The following KIF1A variants were observed in gnomAD, a reference collection of about 807,000 sequenced individuals.
The protein encoded by KIF1A is kinesin-like protein KIF1A.
Under a neutral mutation model 227.3 loss-of-function variants are expected in KIF1A, and 46 were observed. The ratio of observed to expected loss-of-function variants is 0.20; its 90% CI spans 0.16 to 0.26. The LOEUF (loss-of-function observed/expected upper bound fraction) is 0.26, where lower values mean the gene tolerates loss of function less well. Ranked by LOEUF, KIF1A falls within the 10% of genes least tolerant of loss-of-function variation. The pLI is 1.00. For synonymous variants in KIF1A, 1,022 were observed against 1,012.8 expected, an observed-to-expected ratio of 1.01 and a Z score of -0.17; for missense variants, 1,683 against 2,485.9, an observed-to-expected ratio of 0.68 and a Z score of 6.87.
intron 37 of KIF1A, among the ~76,000 whole-genome samples, chr2:240,737,921 G>C (rs1223712246): frequency 1.3e-5 from 2 of 152,240 alleles, no homozygotes; most frequent in East Asian, 3.9e-4. Flanking sequence ...GACACGCTAG[G>C]ATTTTGTGTT....
At position 240,793,454 on chromosome 2, in the gene KIF1A, C is replaced by G. The variant is rs1259930950; in HGVS notation, c.107-4142G>C. On this transcript the variant is annotated intron_variant, in intron 2 of 48. Coordinates refer to ENST00000498729, the MANE Select transcript of KIF1A (RefSeq NM_001244008.2). This position sits in a 1 kb window ranked among gnomAD's most constrained non-coding sequence, Gnocchi z 4.8. The stretch of plus-strand genomic sequence containing the variant: ...AACTCACTTCAGGGGCCGCACATGG[C>G]TGAGGGTCCGCGTCCCCAGCCAGCC... Among the ~76,000 whole-genome samples, 4 of 152,216 alleles carry G rather than the reference C, an allele frequency of 2.6e-5. No homozygotes were observed. Among genetic ancestry groups the G allele is most frequent in the Admixed American group, 1.3e-4 (2 of 15,282 alleles).
chr2:240,729,664 T>A (rs1443957625), intron 38 of KIF1A, among the ~76,000 whole-genome samples: 1 of 152,228 alleles, frequency 6.6e-6, no homozygotes, highest in Non-Finnish European at 1.5e-5. Context: ...AACAGCCCCC[T>A]TGGGGGTCCT....
At chr2:240,819,891 G>A (rs2058607799) in intron 1 of KIF1A, among the ~76,000 whole-genome samples, 1 of 152,216 alleles carries the variant, frequency 6.6e-6, no homozygotes, top group Non-Finnish European at 1.5e-5. Flanking sequence ...AGCGGCACCT[G>A]AAGGGCGGAC....
chr2:240,719,710 T>C, intron 46 of KIF1A, 64 bp downstream of exon 46: 1 of 1,440,058 alleles, frequency 6.9e-7, no homozygotes, highest in Non-Finnish European at 9.2e-7. Flanking sequence ...GGGAGCAGGG[T>C]GGCCTGCCTG....
chr2:240,735,176 G>A (rs566578877), intron 38 of KIF1A, among the ~76,000 whole-genome samples: 3 of 152,288 alleles, frequency 2.0e-5, no homozygotes, highest in African/African-American at 4.8e-5. Context: ...GGAGCCAAGC[G>A]AGGGCCAAAG....
chr2:240,782,421 G>T (rs902612861), intron 10 of KIF1A, among the ~76,000 whole-genome samples, 169 bp downstream of exon 10: 5 of 152,038 alleles, frequency 3.3e-5, no homozygotes, highest in Non-Finnish European at 7.4e-5. Flanking sequence ...CACAGGCACC[G>T]CACGGGGCCT....
chr2:240,757,451 T>C lies in KIF1A; in HGVS notation c.2726A>G (p.Glu909Gly), dbSNP rs2049989978. 1 of 1,545,382 alleles carries C rather than the reference T, an allele frequency of 6.5e-7. No homozygotes were observed. Among genetic ancestry groups the C allele is most frequent in the Non-Finnish European group, 8.7e-7 (1 of 1,144,134 alleles). ...EPAEEQSVGE[E>G]EEEEEEEEDE... ...CTCCTCCTCCTCCTCCTCCTCCTCC[T>C]CCTCCCCCACGCTCTGCTCCTCGGC... is the stretch of plus-strand genomic sequence containing the variant. Residue 909 changes from glutamate to glycine, a missense_variant, in exon 27 of 49, where the codon GAG becomes GGG. By Grantham distance (98) the Glu-to-Gly change is moderately conservative. This residue lies in a region of KIF1A where 759 missense variants were observed against 1,020.2 expected (regional missense o/e 0.74). Transcript: ENST00000498729. The surrounding 1 kb of genome is among the most constrained non-coding windows in gnomAD (Gnocchi z 6.2).
intron 10 of KIF1A, among the ~76,000 whole-genome samples, chr2:240,780,512 C>T (rs2053515984): frequency 6.6e-6 from 1 of 152,104 alleles, no homozygotes; most frequent in African/African-American, 2.4e-5. Context: ...CGGTTTCTCA[C>T]ATACTTTCCC....
chr2:240,774,077 C>A (rs1169904581), intron 12 of KIF1A, 106 bp downstream of exon 12: 12 of 683,958 alleles, frequency 1.8e-5, no homozygotes, highest in Non-Finnish European at 3.1e-5. Flanking sequence ...ATACCCCTCA[C>A]AAAGAGTCGC....
At chr2:240,781,703 C>G in intron 10 of KIF1A, 1 of 947,846 alleles carries the variant, frequency 1.1e-6, no homozygotes, top group Non-Finnish European at 1.3e-6. Context: ...CACGCAGTGT[C>G]CTGTGCCGTT....
At chr2:240,785,313 C>T (rs1194134098) in intron 6 of KIF1A, among the ~76,000 whole-genome samples, 1 of 152,244 alleles carries the variant, frequency 6.6e-6, no homozygotes, top group Non-Finnish European at 1.5e-5. Context: ...TCAGCCCCAG[C>T]CCTTGCTGGT....
chr2:240,769,745 A>G (rs2125941078), intron 15 of KIF1A, 39 bp from the exon 16 acceptor site: 1 of 1,561,446 alleles, frequency 6.4e-7, no homozygotes, highest in Non-Finnish European at 8.8e-7. Flanking sequence ...TGCCGGGGCT[A>G]GGGCCAAGGG....
intron 34 of KIF1A, among the ~76,000 whole-genome samples, chr2:240,742,347 G>A (rs3755534): frequency 0.2 from 30,581 of 151,994 alleles, 3,915 homozygotes; most frequent in African/African-American, 0.37. Context: ...TGAGAGACTC[G>A]GCCACACCTG....
chr2:240,736,972 T>A lies in KIF1A; in HGVS notation c.4007+91A>T. 1 of 1,057,720 alleles carries A rather than the reference T, an allele frequency of 9.5e-7. No homozygotes were observed. Among genetic ancestry groups the A allele is most frequent in the Non-Finnish European group, 1.5e-6 (1 of 682,094 alleles). 65.5% of individuals were successfully genotyped at this position (1,057,720 alleles called of 1,614,324 possible). On this transcript the variant is annotated intron_variant, in intron 38 of 48. Transcript: ENST00000498729. This position sits in a 1 kb window ranked among gnomAD's most constrained non-coding sequence, Gnocchi z 4.7. ...CCGGGAGAGCGTTGAGCGGGTCACC[T>A]TGTGTGGCTGAACCCTGTGCCGGGT...
Position 240,740,001 on chromosome 2 carries a change from G to A in KIF1A, c.3901+57C>T, listed in dbSNP as rs2047765041. ...AACCCGGGTATCCAGCTCAGGGCCT[G>A]TACTCTTCCCACCAGCTCAGCCCCA... On this transcript the variant is annotated intron_variant, in intron 37 of 48. Transcript: ENST00000498729. The surrounding 1 kb of genome is among the most constrained non-coding windows in gnomAD (Gnocchi z 6.1). 2.9e-6 allele frequency: 4 copies of A among 1,392,496 alleles called. No homozygotes were observed. Among genetic ancestry groups the A allele is most frequent in the Admixed American group, 2.0e-5 (1 of 50,934 alleles). 86.3% of individuals were successfully genotyped at this position (1,392,496 alleles called of 1,614,324 possible).
In KIF1A at chr2:240,715,900, C is replaced by G. The variant is rs1023172162; in HGVS notation, c.*1464G>C. 1 of 152,332 alleles carries G rather than the reference C, an allele frequency of 6.6e-6. No homozygotes were observed. Among genetic ancestry groups the G allele is most frequent in the Non-Finnish European group, 1.5e-5 (1 of 68,066 alleles). 9.4% of individuals were successfully genotyped at this position (152,332 alleles called of 1,614,324 possible). A position where few individuals can be genotyped will look rare whatever the true frequency, so the allele number is the denominator to read the frequency against. On this transcript the variant is annotated 3_prime_UTR_variant, in exon 49 of 49. Coordinates refer to ENST00000498729, the MANE Select transcript of KIF1A (RefSeq NM_001244008.2). ...CACGGGCCACGGCGGGAGAGGGGCT[C>G]TGTTGCTTGGCTACTGTCTTTCCTT...
chr2:240,762,475 A>G (rs533096255), intron 23 of KIF1A, among the ~76,000 whole-genome samples: 4 of 152,220 alleles, frequency 2.6e-5, no homozygotes, highest in African/African-American at 7.2e-5. Context: ...GAATGTGTGC[A>G]TGTGTGTACA....
intron 1 of KIF1A, among the ~76,000 whole-genome samples, chr2:240,808,185 T>C (rs1350110461): frequency 2.0e-5 from 3 of 152,060 alleles, no homozygotes; most frequent in Non-Finnish European, 4.4e-5. Context: ...AACATAAATA[T>C]GAATTTGAAA....
At chr2:240,791,955 C>T (rs1429195515) in intron 2 of KIF1A, among the ~76,000 whole-genome samples, 3 of 151,234 alleles carry the variant, frequency 2.0e-5, no homozygotes, top group African/African-American at 7.3e-5. Flanking sequence ...GACCCCCACC[C>T]TACCCTGCCG....
Sources: gnomAD v4.1 joint callset for allele counts (sites outside exome capture counted in the v4.1 genomes callset) on GRCh38, gnomAD v4.1.1 for gene constraint, gnomAD v4.1.1 regional missense constraint, Gnocchi (gnomAD v3.1) non-coding constraint, MANE v1.5 for transcripts, NCBI Gene and HGNC (gene_info 2026-07-23, HGNC 2026-07-21) for gene names.